Variants in CAPZB observed in about 807,000 individuals in gnomAD.
CAPZB encodes the protein capping actin protein of muscle Z-line subunit beta.
In CAPZB, 2 loss-of-function variants were observed where a neutral mutation model predicts 38.1. That is an observed-to-expected ratio of 0.05 (90% confidence interval 0.02 to 0.17). The LOEUF (loss-of-function observed/expected upper bound fraction) is 0.17, where lower values mean the gene tolerates loss of function less well. CAPZB is among the 10% of genes least tolerant of loss of function. The pLI is 1.00. For missense variants in CAPZB, 161 were observed against 334.2 expected (o/e 0.48, Z 4.04); for synonymous variants, 107 against 127.4 (o/e 0.84, Z 1.08).
At chr1:19,431,741 T>TA (rs1558255811) in intron 1 of CAPZB, among the ~76,000 whole-genome samples, 1 of 106,726 alleles carries the variant, frequency 9.4e-6, no homozygotes, top group Admixed American at 9.7e-5. Context: ...AAATAAAAAA[T>TA]AAAAAATAAA....
chr1:19,427,508 C>A (rs898966057), intron 1 of CAPZB, among the ~76,000 whole-genome samples: 1 of 152,212 alleles, frequency 6.6e-6, no homozygotes, highest in East Asian at 1.9e-4. Flanking sequence ...TTTGTTTAAA[C>A]GTCGAATCTG....
rs1308521558 is a variant in CAPZB, at chr1:19,356,474, G to A, written c.588+161C>T. Among the ~76,000 whole-genome samples the A allele has an allele frequency of 6.6e-6, 1 of 152,234 alleles. No individual in the cohort carries two copies. Among genetic ancestry groups the A allele is most frequent in the Non-Finnish European group, 1.5e-5 (1 of 68,044 alleles). ...TGTGGGCAACCTTGCACAGCCCAGA[G>A]AGCTTTTATTTGAAAATGCAAAGCC... On this transcript the variant is annotated intron_variant, in intron 6 of 8. Coordinates refer to ENST00000264202, the MANE Select transcript of CAPZB (RefSeq NM_004930.5). The surrounding 1 kb of genome is among the most constrained non-coding windows in gnomAD (Gnocchi z 4.3).
intron 3 of CAPZB, among the ~76,000 whole-genome samples, chr1:19,379,100 C>CTTTTT (rs371398074): frequency 7.2e-6 from 1 of 138,250 alleles, no homozygotes; most frequent in African/African-American, 2.7e-5. Flanking sequence ...TTTTTTCTTT[C>CTTTTT]TTTTTTTTTT....
intron 3 of CAPZB, among the ~76,000 whole-genome samples, chr1:19,383,921 T>G (rs1282423716): frequency 6.6e-6 from 1 of 152,128 alleles, no homozygotes; most frequent in African/African-American, 2.4e-5. Context: ...TGGCTCTACT[T>G]TTAAAAGTGA....
At chr1:19,387,568 GC>G (rs999709854) in intron 2 of CAPZB, among the ~76,000 whole-genome samples, 12 of 152,176 alleles carry the variant, frequency 7.9e-5, no homozygotes, top group African/African-American at 2.2e-4. Context: ...TATCTGTTGG[GC>G]CTCAACTTTT....
intron 1 of CAPZB, among the ~76,000 whole-genome samples, chr1:19,466,492 G>T (rs1414330722): frequency 2.6e-5 from 4 of 152,194 alleles, no homozygotes; most frequent in African/African-American, 9.7e-5. Context: ...ATGTGAGAGG[G>T]GCTGAGTAAC....
chr1:19,345,924 A>AG (rs879941572), intron 6 of CAPZB, among the ~76,000 whole-genome samples: 11 of 152,130 alleles, frequency 7.2e-5, no homozygotes, highest in Admixed American at 4.6e-4. Context: ...TGAGGTTATG[A>AG]GGGGGGCAGC....
intron 1 of CAPZB, among the ~76,000 whole-genome samples, chr1:19,482,156 AG>A (rs2094631652): frequency 1.3e-5 from 2 of 152,218 alleles, no homozygotes. Flanking sequence ...GTAAAAGTAT[AG>A]GATGTCTGAG....
chr1:19,415,619 C>T (rs1570193991), intron 2 of CAPZB, among the ~76,000 whole-genome samples: 1 of 152,270 alleles, frequency 6.6e-6, no homozygotes, highest in African/African-American at 2.4e-5. Flanking sequence ...ACAAAGCCAG[C>T]GCACTGCCCC....
intron 1 of CAPZB, among the ~76,000 whole-genome samples, chr1:19,481,884 C>T (rs1214704081): frequency 6.6e-6 from 1 of 152,198 alleles, no homozygotes; most frequent in Admixed American, 6.5e-5. Flanking sequence ...GACATCCCCA[C>T]CCCTCAACAA....
chr1:19,448,573 TA>T (rs1481286455), intron 1 of CAPZB, among the ~76,000 whole-genome samples: 3 of 152,196 alleles, frequency 2.0e-5, no homozygotes, highest in Admixed American at 6.5e-5. Context: ...CTACCCATGA[TA>T]AATGCTGTAG....
At chr1:19,403,159 AC>A (rs765233828) in intron 2 of CAPZB, among the ~76,000 whole-genome samples, 1 of 152,176 alleles carries the variant, frequency 6.6e-6, no homozygotes, top group Non-Finnish European at 1.5e-5. Flanking sequence ...TGTCACTCTG[AC>A]CCTGGTGCTT....
intron 6 of CAPZB, among the ~76,000 whole-genome samples, chr1:19,353,637 C>T (rs576840419): frequency 2.0e-5 from 3 of 152,278 alleles, no homozygotes; most frequent in Admixed American, 2.0e-4. Flanking sequence ...CCCTGACCAC[C>T]CATCCCCCAA....
chr1:19,342,532 C>G (rs1273354561), intron 8 of CAPZB, among the ~76,000 whole-genome samples: 1 of 152,228 alleles, frequency 6.6e-6, no homozygotes, highest in African/African-American at 2.4e-5. Context: ...CTTCCCCACA[C>G]CCAGCCTCCA....
At chr1:19,370,847 C>T (rs963534428) in intron 4 of CAPZB, among the ~76,000 whole-genome samples, 12 of 152,200 alleles carry the variant, frequency 7.9e-5, no homozygotes, top group African/African-American at 2.2e-4. Context: ...CTAACATCCA[C>T]ACCCTTTGCT....
chr1:19,382,352 G>C (rs2094180097), intron 3 of CAPZB, among the ~76,000 whole-genome samples: 1 of 152,144 alleles, frequency 6.6e-6, no homozygotes, highest in South Asian at 2.1e-4. Context: ...TTTGAAAAAA[G>C]ACAGATGGAC....
At chr1:19,410,243 G>T (rs2094351433) in intron 2 of CAPZB, among the ~76,000 whole-genome samples, 1 of 152,168 alleles carries the variant, frequency 6.6e-6, no homozygotes, top group African/African-American at 2.4e-5. Context: ...AAATCAGTTA[G>T]AACAGATAGG....
rs555899632 is a variant in CAPZB, at chr1:19,450,629, G to C, written c.4-30879C>G. On this transcript the variant is annotated intron_variant, in intron 1 of 8. Transcript: ENST00000264202. ...ACCAAATATCACACAGGTAATAAGTGGCAGAGCTGGAAGCCTGGTTCCAGA... is the reference window on the plus strand; with the variant it reads ...ACCAAATATCACACAGGTAATAAGTCGCAGAGCTGGAAGCCTGGTTCCAGA... Among the ~76,000 whole-genome samples the C allele has an allele frequency of 1.3e-3, 188 of 146,280 alleles. 1 individual carries two copies. Among genetic ancestry groups the C allele is most frequent in the African/African-American group, 4.5e-3 (177 of 39,510 alleles).
intron 1 of CAPZB, among the ~76,000 whole-genome samples, chr1:19,470,049 G>A (rs989758216): frequency 6.6e-5 from 10 of 151,976 alleles, no homozygotes; most frequent in South Asian, 2.1e-4. Flanking sequence ...GTGAAACCCC[G>A]TCTCTACAAA....
Sources: allele counts gnomAD v4.1 joint callset (sites outside exome capture counted in the v4.1 genomes callset), GRCh38; gene constraint gnomAD v4.1.1; non-coding constraint Gnocchi (gnomAD v3.1); transcripts MANE v1.5; gene names NCBI Gene and HGNC (gene_info 2026-07-23, HGNC 2026-07-21).